MAP2K5: variants seen among roughly 807,000 people sequenced by gnomAD.
The protein encoded by MAP2K5 is mitogen-activated protein kinase kinase 5, also known as dual specificity mitogen-activated protein kinase kinase 5.
In MAP2K5, 49 loss-of-function variants were observed where a neutral mutation model predicts 83.1. That is an observed-to-expected ratio of 0.59 (90% confidence interval 0.47 to 0.75). The LOEUF (loss-of-function observed/expected upper bound fraction) is 0.75. MAP2K5 is among the 30% of genes least tolerant of loss of function. The probability of loss-of-function intolerance (pLI) is 0.00; values close to 1 mark genes in which losing one functional copy is unlikely to be tolerated. For missense variants in MAP2K5, 457 were observed against 557.5 expected (o/e 0.82, Z 1.82); for synonymous variants, 202 against 191.8 (o/e 1.05, Z -0.44).
chr15:67,695,206 A>C (rs1351698952), intron 15 of MAP2K5, among the ~76,000 whole-genome samples: 2 of 152,028 alleles, frequency 1.3e-5, no homozygotes, highest in South Asian at 2.1e-4. Flanking sequence ...ACATGTATAC[A>C]TATGCAACTA....
At position 67,768,945 on chromosome 15, in the gene MAP2K5, C is replaced by A. The variant is rs2090093238; in HGVS notation, c.1135-657C>A. 6.6e-6 allele frequency among the ~76,000 whole-genome samples: 1 copy of A among 152,178 alleles called. No individual in the cohort carries two copies. The highest frequency in any genetic ancestry group is 2.4e-5 in the African/African-American group (1 of 41,438). On this transcript the variant is annotated intron_variant, in intron 19 of 21. Coordinates refer to ENST00000178640, the MANE Select transcript of MAP2K5 (RefSeq NM_145160.3). The surrounding 1 kb of genome is among the most constrained non-coding windows in gnomAD (Gnocchi z 4.0). ...TGTAGTTTTCTGCTTTTTTGACTGA[C>A]TCCCACCTCCATCCTAGTTTTGGTT... is the stretch of plus-strand genomic sequence containing the variant.
intron 8 of MAP2K5, among the ~76,000 whole-genome samples, chr15:67,623,518 G>C (rs1449987534): frequency 6.6e-6 from 1 of 152,014 alleles, no homozygotes; most frequent in Non-Finnish European, 1.5e-5. Flanking sequence ...CTAGCACGTA[G>C]AGACACTACT....
At chr15:67,659,822 A>C (rs368675285) in intron 12 of MAP2K5, among the ~76,000 whole-genome samples, 1 of 152,178 alleles carries the variant, frequency 6.6e-6, no homozygotes, top group Non-Finnish European at 1.5e-5. Flanking sequence ...CATCTTCAGT[A>C]GAGAAGCATG....
At chr15:67,723,719 A>G (rs951526506) in intron 16 of MAP2K5, among the ~76,000 whole-genome samples, 1 of 151,950 alleles carries the variant, frequency 6.6e-6, no homozygotes, top group Non-Finnish European at 1.5e-5. Flanking sequence ...AATTGCTGGC[A>G]CTTATATGTG....
At chr15:67,581,943 A>T (rs1302358390) in intron 4 of MAP2K5, among the ~76,000 whole-genome samples, 1 of 152,212 alleles carries the variant, frequency 6.6e-6, no homozygotes, top group Non-Finnish European at 1.5e-5. Flanking sequence ...GATAGTCCAA[A>T]ACAAGGATTG....
At chr15:67,669,273 A>G (rs2087466452) in intron 13 of MAP2K5, among the ~76,000 whole-genome samples, 1 of 152,186 alleles carries the variant, frequency 6.6e-6, no homozygotes, top group Non-Finnish European at 1.5e-5. Context: ...AATAACATAC[A>G]TAATAAGTAA....
intron 11 of MAP2K5, among the ~76,000 whole-genome samples, chr15:67,651,309 G>T (rs187967165): frequency 4.3e-4 from 65 of 152,310 alleles, no homozygotes; most frequent in Non-Finnish European, 4.9e-4. Flanking sequence ...AGCATACAAT[G>T]TGTAGTAATC....
At chr15:67,692,407 T>A (rs532502481) in intron 13 of MAP2K5, 72 bp from the exon 14 acceptor site, 12 of 984,912 alleles carry the variant, frequency 1.2e-5, no homozygotes, top group Admixed American at 1.8e-5. Context: ...GTGGTGTGCA[T>A]GTGTGCTTTT....
intron 1 of MAP2K5, 71 bp from the exon 2 acceptor site, chr15:67,549,963 C>T (rs1242756133): frequency 9.9e-6 from 11 of 1,111,226 alleles, no homozygotes; most frequent in South Asian, 2.5e-5. Flanking sequence ...CTCATATTTC[C>T]TGTAGGATTT....
chr15:67,633,501 G>A (rs2086523247), intron 9 of MAP2K5, among the ~76,000 whole-genome samples: 1 of 152,126 alleles, frequency 6.6e-6, no homozygotes, highest in African/African-American at 2.4e-5. Flanking sequence ...TGTGGCAAGG[G>A]GCCAACAGCT....
At chr15:67,795,651 C>T (rs2090592521) in intron 21 of MAP2K5, among the ~76,000 whole-genome samples, 1 of 152,134 alleles carries the variant, frequency 6.6e-6, no homozygotes, top group Non-Finnish European at 1.5e-5. Context: ...GGTTTTTCCC[C>T]CCAGTGTTCT....
At chr15:67,672,282 G>A (rs1361070807) in intron 13 of MAP2K5, among the ~76,000 whole-genome samples, 2 of 151,746 alleles carry the variant, frequency 1.3e-5, no homozygotes, top group African/African-American at 2.4e-5. Flanking sequence ...CCCACCAACA[G>A]TGTAAAAGTG....
chr15:67,564,553 A>AT (rs1177246949), intron 3 of MAP2K5, among the ~76,000 whole-genome samples: 6 of 152,218 alleles, frequency 3.9e-5, no homozygotes, highest in Admixed American at 3.9e-4. Flanking sequence ...GGATAGGATG[A>AT]TTAACAGAGC....
intron 4 of MAP2K5, among the ~76,000 whole-genome samples, chr15:67,584,615 G>A (rs989082463): frequency 1.3e-5 from 2 of 149,736 alleles, no homozygotes; most frequent in African/African-American, 4.9e-5. Context: ...GAGTATATTT[G>A]GAATATACAA....
chr15:67,580,850 A>G (rs773663871), intron 4 of MAP2K5, 27 bp downstream of exon 4: 1 of 1,435,966 alleles, frequency 7.0e-7, no homozygotes, highest in Non-Finnish European at 9.8e-7. Context: ...TCTAATCAAC[A>G]ATGATTATTT....
intron 20 of MAP2K5, among the ~76,000 whole-genome samples, chr15:67,772,099 CA>C (rs922531233): frequency 3.2e-4 from 48 of 152,336 alleles, no homozygotes; most frequent in African/African-American, 1.1e-3. Flanking sequence ...TTAGCTGTCC[CA>C]CAGCGGTTTA....
rs991695269 is a variant in MAP2K5 at position 67,794,712 on chromosome 15, G to C, written c.1243-11934G>C. On this transcript the variant is annotated intron_variant, in intron 21 of 21. Coordinates refer to ENST00000178640, the MANE Select transcript of MAP2K5 (RefSeq NM_145160.3). The surrounding 1 kb of genome is among the most constrained non-coding windows in gnomAD (Gnocchi z 4.6). Reference sequence around the variant, plus strand: ...TTACCCAAAGTTTTGATGTTTTGATGTCCAGTGTCTAGCAATTTTTTCCTC... The same window carrying C: ...TTACCCAAAGTTTTGATGTTTTGATCTCCAGTGTCTAGCAATTTTTTCCTC... 6.7e-6 allele frequency among the ~76,000 whole-genome samples: 1 copy of C among 149,134 alleles called. No individual in the cohort carries two copies. The highest frequency in any genetic ancestry group is 2.5e-5 in the African/African-American group (1 of 40,604).
intron 3 of MAP2K5, among the ~76,000 whole-genome samples, chr15:67,570,540 T>A (rs72749325): frequency 2.0e-5 from 3 of 152,240 alleles, no homozygotes; most frequent in Admixed American, 6.5e-5. Flanking sequence ...CAAAATAGAT[T>A]GGCTTCATAT....
chr15:67,703,256 C>A, intron 15 of MAP2K5, 81 bp from the exon 16 acceptor site: 1 of 1,024,698 alleles, frequency 9.8e-7, no homozygotes, highest in Non-Finnish European at 1.5e-6. Context: ...TGGCTCCTCA[C>A]CTTAGCTGAG....
Sources: gnomAD v4.1 joint callset for allele counts (sites outside exome capture counted in the v4.1 genomes callset) on GRCh38, gnomAD v4.1.1 for gene constraint, Gnocchi (gnomAD v3.1) non-coding constraint, MANE v1.5 for transcripts, NCBI Gene and HGNC (gene_info 2026-07-23, HGNC 2026-07-21) for gene names.